The following NPBWR1 variants were observed in gnomAD, a reference collection of about 807,000 sequenced individuals.
NPBWR1 encodes the protein neuropeptides B/W receptor type 1.
In NPBWR1, 4 loss-of-function variants were observed where a neutral mutation model predicts 2.8. That is an observed-to-expected ratio of 1.44 (90% confidence interval 0.71 to 3.29). NPBWR1 has a LOEUF of 3.29. Among genes scored for constraint, NPBWR1 ranks in the 30% most tolerant of loss-of-function variants. The pLI is 0.01. For missense variants in NPBWR1, 545 were observed against 462.5 expected (o/e 1.18, Z -1.64); for synonymous variants, 250 against 224.5 (o/e 1.11, Z -1.02).
At chr8:52,939,559 G>A (rs976987820) in intron 1 of NPBWR1, 152 bp from the exon 2 acceptor site, 6 of 289,458 alleles carry the variant, frequency 2.1e-5, no homozygotes, top group Non-Finnish European at 3.8e-5. Flanking sequence ...GTATTCAACT[G>A]GTAGAAGTGA....
rs1238027509 is a variant in NPBWR1, at chr8:52,941,323, G to A, written c.*429G>A. 1.3e-5 allele frequency among the ~76,000 whole-genome samples: 2 copies of A among 152,164 alleles called. No individual in the cohort carries two copies. Among genetic ancestry groups the A allele is most frequent in the African/African-American group, 4.8e-5 (2 of 41,454 alleles). On this transcript the variant is annotated 3_prime_UTR_variant, in exon 2 of 2. Transcript: ENST00000674939. ...GAGGACGCTGCCGGCGCCCCCAGGCGTCGGCTCCGCGCGGCCCCTGCTGTA... is the reference window on the plus strand; with the variant it reads ...GAGGACGCTGCCGGCGCCCCCAGGCATCGGCTCCGCGCGGCCCCTGCTGTA...
Position 52,940,087 on chromosome 8 carries a change from C to A in NPBWR1, c.180C>A (p.Tyr60Ter), listed in dbSNP as rs779007405. The change falls in exon 2 of 2, where the codon TAC (tyrosine) becomes TAA (stop). Residue 60 changes from tyrosine (Y) to a stop codon, truncating the protein, a stop_gained. Transcript: ENST00000674939. LOFTEE classifies it low-confidence loss of function (END_TRUNC). Reference protein sequence around the residue: ...VGLAGNSAVLYVLLRAPRMKT... With the variant: ...VGLAGNSAVL ...TGGCGGGCAACTCCGCCGTGCTGTA[C>A]GTGTTGCTGCGGGCGCCCCGCATGA... The A allele has an allele frequency of 5.0e-6, 8 of 1,611,550 alleles. No homozygotes were observed. The highest frequency in any genetic ancestry group is 5.1e-6 in the Non-Finnish European group (6 of 1,179,968).
rs957421727 is a variant in NPBWR1 at position 52,941,027 on chromosome 8, G to A, written c.*133G>A. On this transcript the variant is annotated 3_prime_UTR_variant, in exon 2 of 2. Transcript: ENST00000674939. The stretch of plus-strand genomic sequence containing the variant: ...CGACTCGCGCCCCATACCCGACCTA[G>A]CAGATCGGAAGCGCTGCGACTGTGC... 8.2e-7 allele frequency: 1 copy of A among 1,222,360 alleles called. No individual in the cohort carries two copies. The highest frequency in any genetic ancestry group is 1.6e-5 in the South Asian group (1 of 62,420). The allele number at this position is 1,222,360 out of a possible 1,614,324, so 75.7% of individuals were successfully genotyped here.
rs1473163441 is a variant in NPBWR1 at position 52,942,118 on chromosome 8, C to T, written c.*1224C>T. On this transcript the variant is annotated 3_prime_UTR_variant, in exon 2 of 2. Transcript: ENST00000674939. ...CCTTTCTCCTCTGCTTCCTTGGCTCCGCCTTAGGGAGAGCAGGAAGCAGGG... is the reference window on the plus strand; with the variant it reads ...CCTTTCTCCTCTGCTTCCTTGGCTCTGCCTTAGGGAGAGCAGGAAGCAGGG... 7.2e-5 allele frequency among the ~76,000 whole-genome samples: 11 copies of T among 152,362 alleles called. No individual in the cohort carries two copies. The highest frequency in any genetic ancestry group is 7.2e-4 in the Admixed American group (11 of 15,306).
Position 52,942,942 on chromosome 8 carries a change from C to T in NPBWR1, c.*2048C>T, listed in dbSNP as rs1393847491. ...ATCTTTCGAATTTCTAGGAAACATT[C>T]TATTGATTTTCCTTAAACTCTCAAA... is the stretch of plus-strand genomic sequence containing the variant. On this transcript the variant is annotated 3_prime_UTR_variant, in exon 2 of 2. Coordinates refer to ENST00000674939, the MANE Select transcript of NPBWR1 (RefSeq NM_005285.5). 4.6e-5 allele frequency among the ~76,000 whole-genome samples: 7 copies of T among 152,156 alleles called. No homozygotes were observed. The highest frequency in any genetic ancestry group is 4.6e-4 in the Admixed American group (7 of 15,282).
Position 52,940,368 on chromosome 8 carries a change from C to G in NPBWR1, c.461C>G (p.Ala154Gly). 6.2e-7 allele frequency: 1 copy of G among 1,605,654 alleles called. No homozygotes were observed. The change falls in exon 2 of 2, where the codon GCC becomes GGC. Residue 154 changes from alanine to glycine, a missense_variant. Ala to Gly is a moderately conservative substitution (Grantham distance 60, BLOSUM62 0). Coordinates refer to ENST00000674939, the MANE Select transcript of NPBWR1 (RefSeq NM_005285.5). ...SRRVAGRTYS[A>G]ARAVSLAVWG... The stretch of plus-strand genomic sequence containing the variant: ...CGGGTGGCCGGCCGCACCTACAGCG[C>G]CGCGCGCGCGGTGAGCCTGGCCGTG...
chr8:52,939,713 C>T lies in NPBWR1; in HGVS notation c.-195C>T, dbSNP rs1298325637. 2 of 578,788 alleles carry T rather than the reference C, an allele frequency of 3.5e-6. No individual in the cohort carries two copies. Among genetic ancestry groups the T allele is most frequent in the Non-Finnish European group, 5.8e-6 (2 of 342,546 alleles). The allele number at this position is 578,788 out of a possible 1,614,324, so 35.9% of individuals were successfully genotyped here. ...ATGCTTTAAATTCCTCTTTCCAGCC[C>T]CGTGAGTCCGCGGCGACATTGGGCC... On this transcript the variant is annotated splice_region_variant and 5_prime_UTR_variant, in exon 2 of 2. Coordinates refer to ENST00000674939, the MANE Select transcript of NPBWR1 (RefSeq NM_005285.5).
In NPBWR1 at chr8:52,940,257, A is replaced by G. The variant is rs1048288550; in HGVS notation, c.350A>G (p.Gln117Arg). ...TGCAAGCTCATCGTGGCTATCGACC[A>G]GTACAACACCTTCTCCAGCCTCTAC... Reference protein sequence around the residue: ...LMCKLIVAIDQYNTFSSLYFL... With the variant: ...LMCKLIVAIDRYNTFSSLYFL... The change falls in exon 2 of 2, where the codon CAG (glutamine) becomes CGG (arginine). Residue 117 changes from glutamine to arginine, a missense_variant. Coordinates refer to ENST00000674939, the MANE Select transcript of NPBWR1 (RefSeq NM_005285.5). 2.5e-6 allele frequency: 4 copies of G among 1,613,536 alleles called. No individual in the cohort carries two copies. In the African/African-American group the frequency reaches 5.3e-5, roughly 22 times the overall value.
In NPBWR1 at chr8:52,940,402, C is replaced by A. The variant is rs773064053; in HGVS notation, c.495C>A (p.Ile165=). ...ARAVSLAVWG[I]VTLVVLPFAV... ...CGGTGAGCCTGGCCGTGTGGGGGAT[C>A]GTCACACTCGTCGTGCTGCCCTTCG... Residue 165 remains isoleucine, a synonymous_variant, in exon 2 of 2, where the codon ATC becomes ATA. Coordinates refer to ENST00000674939, the MANE Select transcript of NPBWR1 (RefSeq NM_005285.5). 1 of 1,601,458 alleles carries A rather than the reference C, an allele frequency of 6.2e-7. No homozygotes were observed. Among genetic ancestry groups the A allele is most frequent in the South Asian group, 1.1e-5 (1 of 90,686 alleles).
chr8:52,940,885 G>C lies in NPBWR1; in HGVS notation c.978G>C (p.Ala326=). The C allele has an allele frequency of 1.2e-6, 2 of 1,600,574 alleles. No individual in the cohort carries two copies. Among genetic ancestry groups the C allele is most frequent in the East Asian group, 2.2e-5 (1 of 44,704 alleles). ...TCCGCCAGCTGATAACTTGCCGCGC[G>C]GCAGCCTGACTCCCCCAGCGTCCGG... ...RNLRQLITCR[A]AA Residue 326 remains alanine (A), a synonymous_variant, in exon 2 of 2, where the codon GCG becomes GCC. Coordinates refer to ENST00000674939, the MANE Select transcript of NPBWR1 (RefSeq NM_005285.5).
At chr8:52,939,582 T>C in intron 1 of NPBWR1, 129 bp from the exon 2 acceptor site, 1 of 349,236 alleles carries the variant, frequency 2.9e-6, no homozygotes, top group East Asian at 4.5e-5. Flanking sequence ...TTTCAACAGG[T>C]AGCAGAGAGC....
At position 52,941,185 on chromosome 8, in the gene NPBWR1, G is replaced by T; in HGVS notation, c.*291G>T. 2.1e-6 allele frequency: 1 copy of T among 470,468 alleles called. No homozygotes were observed. Among genetic ancestry groups the T allele is most frequent in the South Asian group, 3.0e-5 (1 of 33,262 alleles). 29.1% of individuals were successfully genotyped at this position (470,468 alleles called of 1,614,324 possible). ...GAAGAGGAGGGTAGAGGAGGAGGGC[G>T]GTATTGCTGGGAACCGCCCCCTCCC... On this transcript the variant is annotated 3_prime_UTR_variant, in exon 2 of 2. Transcript: ENST00000674939.
At position 52,939,862 on chromosome 8, in the gene NPBWR1, C is replaced by T. The variant is rs752138110; in HGVS notation, c.-46C>T. On this transcript the variant is annotated 5_prime_UTR_variant, in exon 2 of 2. Coordinates refer to ENST00000674939, the MANE Select transcript of NPBWR1 (RefSeq NM_005285.5). ...TTCAGGACCGCTGAGCTCCGTAGGG[C>T]GTCCTTGGGGGACGCCAGGTCGCCG... 5 of 1,477,106 alleles carry T rather than the reference C, an allele frequency of 3.4e-6. No individual in the cohort carries two copies. The highest frequency in any genetic ancestry group is 4.5e-6 in the Non-Finnish European group (5 of 1,122,936). The allele number at this position is 1,477,106 out of a possible 1,614,324, so 91.5% of individuals were successfully genotyped here.
rs1183679179 is a variant in NPBWR1, at chr8:52,941,700, C to T, written c.*806C>T. Among the ~76,000 whole-genome samples the T allele has an allele frequency of 1.3e-5, 2 of 152,218 alleles. No homozygotes were observed. Among genetic ancestry groups the T allele is most frequent in the African/African-American group, 4.8e-5 (2 of 41,470 alleles). ...TCCTTTTCTTTGCCTTTTCCCTTTC[C>T]TATCCGTGATCTCCCCTGAAAATGT... On this transcript the variant is annotated 3_prime_UTR_variant, in exon 2 of 2. Transcript: ENST00000674939.
rs770899331 is a variant in NPBWR1, at chr8:52,940,504, G to T, written c.597G>T (p.Trp199Cys). ...VLVFPQPEAFWWRASRLYTLV... is the reference protein window; with the variant it reads ...VLVFPQPEAFCWRASRLYTLV... The stretch of plus-strand genomic sequence containing the variant: ...TCTTTCCGCAGCCCGAGGCCTTCTG[G>T]TGGCGCGCGAGCCGCCTCTACACGC... Residue 199 changes from tryptophan to cysteine, a missense_variant, in exon 2 of 2, where the codon TGG (tryptophan) becomes TGT (cysteine). Trp to Cys is a radical substitution (Grantham distance 215). Transcript: ENST00000674939. The T allele has an allele frequency of 1.3e-6, 2 of 1,585,102 alleles. No homozygotes were observed. Among genetic ancestry groups the T allele is most frequent in the Non-Finnish European group, 1.7e-6 (2 of 1,170,720 alleles).
chr8:52,942,655 G>A lies in NPBWR1; in HGVS notation c.*1761G>A, dbSNP rs1340666208. Among the ~76,000 whole-genome samples the A allele has an allele frequency of 4.6e-5, 7 of 152,124 alleles. No individual in the cohort carries two copies. Among genetic ancestry groups the A allele is most frequent in the African/African-American group, 7.2e-5 (3 of 41,412 alleles). ...GGAAAAAACTCCCCCTTGGAATGGGGGGAAGCAAACCCCCTCTCTAATTTT... is the reference window on the plus strand; with the variant it reads ...GGAAAAAACTCCCCCTTGGAATGGGAGGAAGCAAACCCCCTCTCTAATTTT... On this transcript the variant is annotated 3_prime_UTR_variant, in exon 2 of 2. Transcript: ENST00000674939.
chr8:52,942,345 G>A lies in NPBWR1; in HGVS notation c.*1451G>A, dbSNP rs1322204846. 7.9e-5 allele frequency among the ~76,000 whole-genome samples: 12 copies of A among 152,266 alleles called. 1 individual carries two copies. The highest frequency in any genetic ancestry group is 2.1e-4 in the South Asian group (1 of 4,836). ...GCATATGGAAGACAAAGTGGATTAA[G>A]AGAGAGGACTGGCATTGGGTTTGCC... On this transcript the variant is annotated 3_prime_UTR_variant, in exon 2 of 2. Coordinates refer to ENST00000674939, the MANE Select transcript of NPBWR1 (RefSeq NM_005285.5).
In NPBWR1 at chr8:52,939,888, G is replaced by T. The variant is rs1396295434; in HGVS notation, c.-20G>T. ...GTCCTTGGGGGACGCCAGGTCGCCG[G>T]CTCCTCTGCCCTCGTTGAGATGGAC... On this transcript the variant is annotated 5_prime_UTR_variant, in exon 2 of 2. Coordinates refer to ENST00000674939, the MANE Select transcript of NPBWR1 (RefSeq NM_005285.5). The T allele has an allele frequency of 1.3e-6, 2 of 1,503,412 alleles. No homozygotes were observed. Among genetic ancestry groups the T allele is most frequent in the Admixed American group, 4.5e-5 (2 of 44,446 alleles). The allele number at this position is 1,503,412 out of a possible 1,614,324, so 93.1% of individuals were successfully genotyped here.
Position 52,940,706 on chromosome 8 carries a change from TACC to T in NPBWR1, c.803_805del (p.His268del). 1 of 1,613,400 alleles carries T rather than the reference TACC, an allele frequency of 6.2e-7. No homozygotes were observed. The highest frequency in any genetic ancestry group is 8.5e-7 in the Non-Finnish European group (1 of 1,179,978). On this transcript the variant is annotated inframe_deletion, in exon 2 of 2. Coordinates refer to ENST00000674939, the MANE Select transcript of NPBWR1 (RefSeq NM_005285.5). ...GGTGTGCCTCCTCTGCTGGACGCCC[TACC>T]ACCTGAGCACCGTGGTGGCGCTCAC...
Sources: gnomAD v4.1 joint callset for allele counts (sites outside exome capture counted in the v4.1 genomes callset) on GRCh38, gnomAD v4.1.1 for gene constraint, MANE v1.5 for transcripts, NCBI Gene and HGNC (gene_info 2026-07-23, HGNC 2026-07-21) for gene names.